GRM7: variants seen among roughly 807,000 people sequenced by gnomAD.
GRM7 encodes metabotropic glutamate receptor 7.
In GRM7, 35 loss-of-function variants were observed where a neutral mutation model predicts 84.5. The observed-to-expected ratio is 0.41, with a 90% CI of 0.32 to 0.55. The LOEUF (loss-of-function observed/expected upper bound fraction) is 0.55. Ranked by LOEUF, GRM7 falls within the 20% of genes least tolerant of loss-of-function variation. The pLI, the probability that GRM7 is intolerant of heterozygous loss-of-function variation, is 0.19. For missense variants in GRM7, 1,003 were observed against 1,194.6 expected (o/e 0.84, Z 2.36); for synonymous variants, 487 against 455.1 (o/e 1.07, Z -0.89).
chr3:6,992,440 A>T (rs749599325), intron 1 of GRM7, among the ~76,000 whole-genome samples: 10 of 152,236 alleles, frequency 6.6e-5, no homozygotes, highest in Admixed American at 3.3e-4. Context: ...TGAGCTGATA[A>T]GTGGGTAAGG....
intron 4 of GRM7, among the ~76,000 whole-genome samples, chr3:7,410,727 A>C (rs532344123): frequency 6.6e-6 from 1 of 152,080 alleles, no homozygotes; most frequent in Non-Finnish European, 1.5e-5. Context: ...CTATATGTTA[A>C]ATATGCCCTA....
intron 8 of GRM7, among the ~76,000 whole-genome samples, chr3:7,667,886 G>A (rs1368437022): frequency 1.4e-5 from 2 of 148,106 alleles, no homozygotes; most frequent in Non-Finnish European, 3.0e-5. Context: ...AAACTTCAAC[G>A]CCTGAACTCA....
intron 1 of GRM7, among the ~76,000 whole-genome samples, chr3:7,014,352 AT>A (rs949607941): frequency 6.6e-6 from 1 of 151,880 alleles, no homozygotes; most frequent in African/African-American, 2.4e-5. Flanking sequence ...TTTTTTAATA[AT>A]TTTTTGAGAC....
intron 6 of GRM7, among the ~76,000 whole-genome samples, chr3:7,458,793 CT>C (rs1453712802): frequency 6.6e-6 from 1 of 151,982 alleles, no homozygotes; most frequent in African/African-American, 2.4e-5. Context: ...TGAATAGAAG[CT>C]ATAGAATTAC....
chr3:7,305,830 T>C (rs1173331003), intron 3 of GRM7, among the ~76,000 whole-genome samples: 1 of 152,116 alleles, frequency 6.6e-6, no homozygotes, highest in Non-Finnish European at 1.5e-5. Context: ...GGGGCTTCAG[T>C]TGTAGCTTTT....
intron 9 of GRM7, among the ~76,000 whole-genome samples, chr3:7,732,655 T>C (rs1702372540): frequency 6.6e-6 from 1 of 152,208 alleles, no homozygotes. Flanking sequence ...AAAGGCTTTT[T>C]ATGAGAACGT....
At chr3:6,925,486 A>T (rs1395748605) in intron 1 of GRM7, among the ~76,000 whole-genome samples, 1 of 152,166 alleles carries the variant, frequency 6.6e-6, no homozygotes, top group East Asian at 1.9e-4. Context: ...CCCTCCTCAG[A>T]TGAGTTACCT....
chr3:6,950,022 T>G (rs1208143356), intron 1 of GRM7, among the ~76,000 whole-genome samples: 2 of 152,080 alleles, frequency 1.3e-5, no homozygotes, highest in African/African-American at 4.8e-5. Flanking sequence ...TAGCTCGGAG[T>G]AGTTTGATCT....
rs575407629 is a variant in GRM7 at position 6,916,200 on chromosome 3, T to C, written c.519+54293T>C. Among the ~76,000 whole-genome samples the C allele has an allele frequency of 2.6e-4, 40 of 152,324 alleles. No homozygotes were observed. In the East Asian group the frequency reaches 6.0e-3, roughly 23 times the overall value. ...TAATGGGCAAAACAGACAGAGCTCA[T>C]GTAGTCATGAATCTTCTGTTTTGGA... On this transcript the variant is annotated intron_variant, in intron 1 of 9. Coordinates refer to ENST00000357716, the MANE Select transcript of GRM7 (RefSeq NM_000844.4).
intron 7 of GRM7, among the ~76,000 whole-genome samples, chr3:7,545,724 G>T (rs777605444): frequency 6.6e-6 from 1 of 152,180 alleles, no homozygotes; most frequent in Non-Finnish European, 1.5e-5. Flanking sequence ...AGAGAAAGAA[G>T]AAGGCAATTT....
At chr3:7,313,382 G>A (rs1199487157) in intron 4 of GRM7, among the ~76,000 whole-genome samples, 1 of 152,156 alleles carries the variant, frequency 6.6e-6, no homozygotes, top group Non-Finnish European at 1.5e-5. Context: ...TACTTAAGCT[G>A]TCAAACCAGT....
rs191371792 is a variant in GRM7 at position 7,647,440 on chromosome 3, G to T, written c.2452-32609G>T. 2.8e-3 allele frequency among the ~76,000 whole-genome samples: 421 copies of T among 152,298 alleles called. 6 individuals carry two copies. The highest frequency in any genetic ancestry group is 1.8e-3 in the Admixed American group (27 of 15,298). ...TGTTGAAGAAACTACAAGGAGGCTG[G>T]TATACTAGGACAGAGCAGGTACAAG... On this transcript the variant is annotated intron_variant, in intron 8 of 9. Coordinates refer to ENST00000357716, the MANE Select transcript of GRM7 (RefSeq NM_000844.4).
At chr3:7,238,997 C>CTTTTTTTTTTT (rs1559520012) in intron 2 of GRM7, among the ~76,000 whole-genome samples, 2 of 137,608 alleles carry the variant, frequency 1.5e-5, no homozygotes, top group Admixed American at 1.6e-4. Context: ...TTCTTTTTTC[C>CTTTTTTTTTTT]TTTTTCTTTT....
intron 1 of GRM7, among the ~76,000 whole-genome samples, chr3:7,100,483 C>CA (rs1386970209): frequency 6.6e-6 from 1 of 151,666 alleles, no homozygotes; most frequent in Non-Finnish European, 1.5e-5. Context: ...TTTTCATAGG[C>CA]AAAAATACCA....
intron 7 of GRM7, among the ~76,000 whole-genome samples, chr3:7,546,567 C>T (rs897557170): frequency 2.0e-5 from 3 of 152,240 alleles, no homozygotes; most frequent in Non-Finnish European, 4.4e-5. Flanking sequence ...ACAAAGCCTT[C>T]TCCTGACCTT....
chr3:7,453,905 T>C (rs1460964081), intron 6 of GRM7, among the ~76,000 whole-genome samples: 2 of 152,072 alleles, frequency 1.3e-5, no homozygotes, highest in East Asian at 3.9e-4. Context: ...CCTTCTAAAA[T>C]GACGGGCTGA....
At chr3:7,375,310 C>T (rs1327168984) in intron 4 of GRM7, among the ~76,000 whole-genome samples, 2 of 151,254 alleles carry the variant, frequency 1.3e-5, no homozygotes, top group Non-Finnish European at 2.9e-5. Context: ...CCTCTGCCTC[C>T]CAGGTTCAAG....
chr3:7,450,685 A>G (rs1697728406), intron 5 of GRM7, among the ~76,000 whole-genome samples: 1 of 151,752 alleles, frequency 6.6e-6, no homozygotes, highest in Admixed American at 6.6e-5. Flanking sequence ...TGAATGGGAA[A>G]TAGCTGCATA....
intron 3 of GRM7, among the ~76,000 whole-genome samples, chr3:7,299,476 A>G (rs555054763): frequency 1.3e-5 from 2 of 152,194 alleles, no homozygotes; most frequent in Non-Finnish European, 2.9e-5. Flanking sequence ...TGTAATCTTT[A>G]TTTTTAGAAT....
Sources: gnomAD v4.1 joint callset for allele counts (sites outside exome capture counted in the v4.1 genomes callset) on GRCh38, gnomAD v4.1.1 for gene constraint, MANE v1.5 for transcripts, NCBI Gene and HGNC (gene_info 2026-07-23, HGNC 2026-07-21) for gene names.